PPL: variants seen among roughly 807,000 people sequenced by gnomAD.
PPL encodes the protein periplakin.
In PPL, 198 loss-of-function variants were observed where a neutral mutation model predicts 194.4. The observed-to-expected ratio is 1.02, with a 90% CI of 0.91 to 1.15. The LOEUF (loss-of-function observed/expected upper bound fraction) is 1.15. Ranked by LOEUF, PPL falls within the 50% of genes most tolerant of loss-of-function variation. The pLI is 0.00. For synonymous variants in PPL, 1,220 were observed against 972.4 expected, an observed-to-expected ratio of 1.25 and a Z score of -4.74; for missense variants, 2,885 against 2,294.8, an observed-to-expected ratio of 1.26 and a Z score of -5.25.
chr16:4,910,527 A>C (rs969902612), intron 2 of PPL, among the ~76,000 whole-genome samples: 1 of 152,086 alleles, frequency 6.6e-6, no homozygotes, highest in Non-Finnish European at 1.5e-5. Flanking sequence ...CACAGGGCCC[A>C]GGAAGAGGGA....
In PPL at chr16:4,910,876, C is replaced by T. The variant is rs375214835; in HGVS notation, c.136G>A (p.Val46Met). The T allele has an allele frequency of 5.6e-6, 9 of 1,613,872 alleles. No homozygotes were observed. Among genetic ancestry groups the T allele is most frequent in the African/African-American group, 5.3e-5 (4 of 74,936 alleles). The change falls in exon 2 of 22, where the codon GTG becomes ATG. Residue 46 changes from valine (V) to methionine (M), a missense_variant. Val to Met is a conservative substitution (Grantham distance 21). Coordinates refer to ENST00000345988, the MANE Select transcript of PPL (RefSeq NM_002705.5). ...KNADQVEKNIVDTEAKMQSDL... is the reference protein window; with the variant it reads ...KNADQVEKNIMDTEAKMQSDL... ...CTCTGCATCTTGGCCTCTGTGTCCACGATGTTCTTCTCCACCTGGTCGGCA... is the reference window on the plus strand; with the variant it reads ...CTCTGCATCTTGGCCTCTGTGTCCATGATGTTCTTCTCCACCTGGTCGGCA...
chr16:4,929,670 G>C (rs1040276373), intron 1 of PPL, among the ~76,000 whole-genome samples: 2 of 152,056 alleles, frequency 1.3e-5, no homozygotes, highest in African/African-American at 4.8e-5. Flanking sequence ...TAGATTTACT[G>C]GTTCTTCCTA....
intron 2 of PPL, 79 bp downstream of exon 2, chr16:4,910,771 C>T (rs1282072044): frequency 2.8e-5 from 36 of 1,266,868 alleles, no homozygotes; most frequent in South Asian, 6.0e-5. Context: ...TGAGAATCAC[C>T]GATTCCAAAC....
intron 16 of PPL, 105 bp downstream of exon 16, chr16:4,891,706 G>A (rs2142341178): frequency 7.1e-7 from 1 of 1,418,240 alleles, no homozygotes; most frequent in East Asian, 2.4e-5. Flanking sequence ...CAAACCTGGG[G>A]AGACTGGATG....
At chr16:4,920,839 G>C (rs2089035386) in intron 1 of PPL, among the ~76,000 whole-genome samples, 1 of 152,174 alleles carries the variant, frequency 6.6e-6, no homozygotes, top group African/African-American at 2.4e-5. Flanking sequence ...CTGAGCTCAA[G>C]GGATGCTCCT....
chr16:4,922,419 T>A (rs2089067660), intron 1 of PPL, among the ~76,000 whole-genome samples: 1 of 152,264 alleles, frequency 6.6e-6, no homozygotes, highest in South Asian at 2.1e-4. Flanking sequence ...CCCAGCACTT[T>A]GGGAGGCTGA....
rs1336805631 is a variant in PPL, at chr16:4,899,381, C to T, written c.610G>A (p.Ala204Thr). 3 of 1,605,390 alleles carry T rather than the reference C, an allele frequency of 1.9e-6. No individual in the cohort carries two copies. The South Asian group carries it at 3.3e-5, about 18-fold the overall frequency. ...LRAKYQKLLA[A>T]SQARQQHLSS... ...AGGTGCTGCTGCCGGGCCTGTGATGCTGCCTGAAGGGGCCGGGGCAAGGAA... is the reference window on the plus strand; with the variant it reads ...AGGTGCTGCTGCCGGGCCTGTGATGTTGCCTGAAGGGGCCGGGGCAAGGAA... Residue 204 changes from alanine to threonine, a missense_variant, in exon 7 of 22, where the codon GCA becomes ACA. By Grantham distance (58) the Ala-to-Thr change is moderately conservative. Transcript: ENST00000345988.
chr16:4,905,879 A>T (rs2088671935), intron 2 of PPL, among the ~76,000 whole-genome samples: 1 of 152,196 alleles, frequency 6.6e-6, no homozygotes, highest in African/African-American at 2.4e-5. Flanking sequence ...CTGTGGCAGG[A>T]GGATGGCTTG....
intron 1 of PPL, among the ~76,000 whole-genome samples, chr16:4,911,276 C>T (rs1429099104): frequency 6.6e-6 from 1 of 150,612 alleles, no homozygotes; most frequent in Non-Finnish European, 1.5e-5. Context: ...ATTCTCATGC[C>T]TCAGCCTCCC....
intron 1 of PPL, among the ~76,000 whole-genome samples, chr16:4,920,534 G>A (rs2089029197): frequency 6.6e-6 from 1 of 151,830 alleles, no homozygotes; most frequent in African/African-American, 2.4e-5. Context: ...CAAAATCTTG[G>A]CTCACTGCAA....
At chr16:4,897,534 G>C in intron 9 of PPL, 141 bp downstream of exon 9, 1 of 627,778 alleles carries the variant, frequency 1.6e-6, no homozygotes, top group Non-Finnish European at 2.8e-6. Context: ...TCAGAAGCAT[G>C]GGTGCTGGGG....
At position 4,883,271 on chromosome 16, in the gene PPL, T is replaced by C. The variant is rs1244442707; in HGVS notation, c.*113A>G. On this transcript the variant is annotated 3_prime_UTR_variant, in exon 22 of 22. Transcript: ENST00000345988. The surrounding 1 kb of genome is among the most constrained non-coding windows in gnomAD (Gnocchi z 4.8). ...TCTGAGCAGCCTGGCAGCGAGGGTA[T>C]GTATAAAATGCTTGGCCTGCACCAG... The C allele has an allele frequency of 1.4e-6, 2 of 1,422,548 alleles. No individual in the cohort carries two copies. The highest frequency in any genetic ancestry group is 2.9e-5 in the African/African-American group (2 of 69,938). The allele number at this position is 1,422,548 out of a possible 1,614,324, so 88.1% of individuals were successfully genotyped here. A position where few individuals can be genotyped will look rare whatever the true frequency, so the allele number is the denominator to read the frequency against.
At chr16:4,908,445 T>A (rs4786557) in intron 2 of PPL, among the ~76,000 whole-genome samples, 79,576 of 151,242 alleles carry the variant, frequency 0.53, 21,198 homozygotes, top group East Asian at 0.62. Flanking sequence ...TCTCTCTCTC[T>A]CACACACATA....
intron 1 of PPL, among the ~76,000 whole-genome samples, chr16:4,919,585 G>C (rs2088995233): frequency 6.6e-6 from 1 of 152,014 alleles, no homozygotes; most frequent in Non-Finnish European, 1.5e-5. Context: ...GTATTTCTGA[G>C]TCTCAGTTTC....
intron 2 of PPL, among the ~76,000 whole-genome samples, chr16:4,904,749 A>G (rs13333974): frequency 0.14 from 21,310 of 152,064 alleles, 2,302 homozygotes; most frequent in African/African-American, 0.3. Flanking sequence ...GCACAGCTCC[A>G]TTTGTGCTTA....
intron 1 of PPL, among the ~76,000 whole-genome samples, chr16:4,917,420 T>C (rs2088945612): frequency 6.6e-6 from 1 of 152,166 alleles, no homozygotes; most frequent in Admixed American, 6.5e-5. Context: ...GCTCACATAT[T>C]ATTCCATTGA....
chr16:4,888,712 A>ATT (rs34143557), intron 19 of PPL: 56,579 of 403,106 alleles, frequency 0.14, 2,223 homozygotes, highest in Middle Eastern at 0.22. Context: ...TTTATCCTGC[A>ATT]TTTTTTTTTT....
intron 1 of PPL, among the ~76,000 whole-genome samples, chr16:4,936,174 G>A (rs1013436250): frequency 3.3e-5 from 5 of 152,194 alleles, no homozygotes; most frequent in Non-Finnish European, 7.4e-5. Flanking sequence ...GGCCGCCCTG[G>A]GAACCCGCGG....
intron 2 of PPL, among the ~76,000 whole-genome samples, chr16:4,908,536 T>C (rs895440327): frequency 1.3e-5 from 2 of 151,860 alleles, no homozygotes; most frequent in African/African-American, 2.4e-5. Context: ...TGACTGACTT[T>C]ATTGATTGAT....
Sources: allele counts gnomAD v4.1 joint callset (sites outside exome capture counted in the v4.1 genomes callset), GRCh38; gene constraint gnomAD v4.1.1; non-coding constraint Gnocchi (gnomAD v3.1); transcripts MANE v1.5; gene names NCBI Gene and HGNC (gene_info 2026-07-23, HGNC 2026-07-21).